Variants in COL25A1 observed in about 807,000 individuals in gnomAD.
COL25A1 encodes the protein collagen type XXV alpha 1 chain.
A neutral mutation model predicts 128.4 loss-of-function variants in COL25A1; 103 were observed. The observed-to-expected ratio is 0.80, with a 90% CI of 0.68 to 0.94. The LOEUF (loss-of-function observed/expected upper bound fraction) is 0.94. Among genes scored for constraint, COL25A1 ranks in the 40% least tolerant of loss-of-function variants. COL25A1 has a pLI of 0.00. For missense variants in COL25A1, 745 were observed against 840.0 expected (o/e 0.89, Z 1.40); for synonymous variants, 279 against 277.2 (o/e 1.01, Z -0.06).
chr4:109,048,091 T>G, intron 5 of COL25A1, 77 bp downstream of exon 5: 4 of 1,439,312 alleles, frequency 2.8e-6, no homozygotes, highest in Non-Finnish European at 3.9e-6. Context: ...GAGACTATAT[T>G]TTGGTGTTTT....
intron 5 of COL25A1, among the ~76,000 whole-genome samples, chr4:109,023,804 T>G (rs1160042776): frequency 6.6e-6 from 1 of 152,122 alleles, no homozygotes; most frequent in Non-Finnish European, 1.5e-5. Flanking sequence ...AACCATACAG[T>G]CAAAACTTGC....
At chr4:109,085,233 A>G (rs1764247035) in intron 3 of COL25A1, among the ~76,000 whole-genome samples, 2 of 152,200 alleles carry the variant, frequency 1.3e-5, no homozygotes, top group Admixed American at 6.5e-5. Flanking sequence ...GCCCCATACA[A>G]GAGGCCAGCC....
chr4:109,021,857 C>A (rs1037759542), intron 5 of COL25A1: 17 of 404,746 alleles, frequency 4.2e-5, no homozygotes, highest in Non-Finnish European at 4.9e-6. Context: ...TGGTCTCCTG[C>A]AGTACCCTCA....
chr4:108,869,765 A>T (rs887108767), intron 19 of COL25A1, among the ~76,000 whole-genome samples: 1 of 152,178 alleles, frequency 6.6e-6, no homozygotes, highest in Non-Finnish European at 1.5e-5. Context: ...AAAATCTATA[A>T]GAAAATTTTA....
At chr4:108,827,004 T>C (rs1560707035) in intron 33 of COL25A1, 131 bp downstream of exon 33, 13 of 776,760 alleles carry the variant, frequency 1.7e-5, no homozygotes, top group Non-Finnish European at 2.2e-5. Flanking sequence ...AGTACTGAAT[T>C]TATAGATAAT....
chr4:109,069,337 C>T (rs1420063916), intron 3 of COL25A1, among the ~76,000 whole-genome samples: 1 of 151,762 alleles, frequency 6.6e-6, no homozygotes, highest in African/African-American at 2.4e-5. Flanking sequence ...TGAGCCTCCC[C>T]AGTAGTTGGG....
intron 3 of COL25A1, among the ~76,000 whole-genome samples, chr4:109,286,210 T>C (rs1386897033): frequency 6.6e-6 from 1 of 152,200 alleles, no homozygotes; most frequent in African/African-American, 2.4e-5. Context: ...AGATGGGATA[T>C]TGTGTACCAC....
At chr4:108,892,083 T>C (rs545852798) in intron 16 of COL25A1, among the ~76,000 whole-genome samples, 12 of 127,582 alleles carry the variant, frequency 9.4e-5, no homozygotes, top group African/African-American at 3.2e-4. Flanking sequence ...AGTCATAAGT[T>C]AAACATTTTA....
intron 3 of COL25A1, among the ~76,000 whole-genome samples, chr4:109,218,348 T>C (rs866763235): frequency 1.5e-5 from 2 of 133,724 alleles, no homozygotes; most frequent in Admixed American, 1.5e-4. Flanking sequence ...CAATTGCTGG[T>C]TTTTTGGGGT....
rs1352563186 is a variant in COL25A1, at chr4:109,010,357, C to T, written c.438+1G>A. 2.5e-6 allele frequency: 4 copies of T among 1,579,560 alleles called. No homozygotes were observed. Among genetic ancestry groups the T allele is most frequent in the Non-Finnish European group, 3.4e-6 (4 of 1,166,588 alleles). ...AATTTGCTAGAAAAGAATTACCTTA[C>T]CTGAGGACCAGGCTGTCCCTGAAAT... is the stretch of plus-strand genomic sequence containing the variant. On this transcript the variant is annotated splice_donor_variant, in intron 6 of 37. Transcript: ENST00000399132. LOFTEE classifies it high-confidence loss of function.
intron 30 of COL25A1, 148 bp downstream of exon 30, chr4:108,844,371 A>G: frequency 7.3e-7 from 1 of 1,360,720 alleles, no homozygotes; most frequent in South Asian, 1.3e-5. Context: ...TGTAAAGTTA[A>G]TATATCTCAA....
intron 35 of COL25A1, among the ~76,000 whole-genome samples, chr4:108,821,161 A>T (rs1284444950): frequency 2.0e-5 from 3 of 152,240 alleles, no homozygotes; most frequent in Admixed American, 1.3e-4. Flanking sequence ...CAATACATTC[A>T]TTCTGACAGC....
In COL25A1 at chr4:109,230,777, CTA is replaced by C. The variant is rs1019780257; in HGVS notation, c.367+69804_367+69805del. Reference sequence around the variant, plus strand: ...AGGTAGGTGACAAAGAAATAGATATCTATGACCTAAAATACAAACTCAAAAAT... The same window carrying C: ...AGGTAGGTGACAAAGAAATAGATATCTGACCTAAAATACAAACTCAAAAAT... On this transcript the variant is annotated intron_variant, in intron 3 of 37. Coordinates refer to ENST00000399132, the MANE Select transcript of COL25A1 (RefSeq NM_198721.4). Among the ~76,000 whole-genome samples, 16 of 152,186 alleles carry C rather than the reference CTA, an allele frequency of 1.1e-4. 1 individual carries two copies. Among genetic ancestry groups the C allele is most frequent in the Admixed American group, 9.8e-4 (15 of 15,286 alleles).
At position 108,984,437 on chromosome 4, in the gene COL25A1, G is replaced by C. The variant is rs181118037; in HGVS notation, c.439-9878C>G. ...TTGATGGGACTGGGCGCCCTAGAGC[G>C]GGGGCGGCGCTCATTGGGGAGGCTC... is the stretch of plus-strand genomic sequence containing the variant. On this transcript the variant is annotated intron_variant, in intron 6 of 37. Coordinates refer to ENST00000399132, the MANE Select transcript of COL25A1 (RefSeq NM_198721.4). Among the ~76,000 whole-genome samples the C allele has an allele frequency of 3.3e-3, 507 of 152,336 alleles. 3 individuals are homozygous for C. Among genetic ancestry groups the C allele is most frequent in the African/African-American group, 0.012 (499 of 41,590 alleles).
intron 30 of COL25A1, among the ~76,000 whole-genome samples, chr4:108,843,545 G>A (rs1217075094): frequency 6.6e-6 from 1 of 152,160 alleles, no homozygotes; most frequent in Non-Finnish European, 1.5e-5. Flanking sequence ...CTTAATGGCT[G>A]CCTTCCTCAC....
intron 3 of COL25A1, among the ~76,000 whole-genome samples, chr4:109,237,871 A>C (rs899522017): frequency 6.6e-6 from 1 of 152,028 alleles, no homozygotes; most frequent in African/African-American, 2.4e-5. Flanking sequence ...TTTGTCTCTG[A>C]ATTTGACTAC....
chr4:108,923,237 TTGGTTAAGA>T (rs1461851317), intron 11 of COL25A1, among the ~76,000 whole-genome samples: 1 of 152,208 alleles, frequency 6.6e-6, no homozygotes, highest in Non-Finnish European at 1.5e-5. Context: ...TTGCTACCAG[TTGGTTAAGA>T]TGATTACATT....
At chr4:109,078,340 C>T (rs1763558359) in intron 3 of COL25A1, among the ~76,000 whole-genome samples, 1 of 152,130 alleles carries the variant, frequency 6.6e-6, no homozygotes, top group African/African-American at 2.4e-5. Context: ...ATTAAGTTAA[C>T]CATGTGAATT....
intron 3 of COL25A1, among the ~76,000 whole-genome samples, chr4:109,208,121 T>C (rs985409089): frequency 1.3e-5 from 2 of 152,188 alleles, no homozygotes; most frequent in Admixed American, 1.3e-4. Flanking sequence ...GCATGCAATA[T>C]GCAAATCACA....
Sources: gnomAD v4.1 joint callset for allele counts (sites outside exome capture counted in the v4.1 genomes callset) on GRCh38, gnomAD v4.1.1 for gene constraint, MANE v1.5 for transcripts, NCBI Gene and HGNC (gene_info 2026-07-23, HGNC 2026-07-21) for gene names.